The following PDE7B variants were observed in gnomAD, a reference collection of about 807,000 sequenced individuals.
The protein encoded by PDE7B is phosphodiesterase 7B.
PDE7B carries 29 observed loss-of-function variants against 56.2 expected under a neutral mutation model. The observed-to-expected ratio is 0.52, with a 90% CI of 0.38 to 0.70. The LOEUF (loss-of-function observed/expected upper bound fraction) is 0.70, where lower values mean the gene tolerates loss of function less well. Ranked by LOEUF, PDE7B falls within the 30% of genes least tolerant of loss-of-function variation. The probability of loss-of-function intolerance (pLI) is 0.00; values close to 1 mark genes in which losing one functional copy is unlikely to be tolerated. For missense variants in PDE7B, 490 were observed against 565.0 expected (o/e 0.87, Z 1.35); for synonymous variants, 197 against 196.9 (o/e 1.00, Z 0.00).
At chr6:135,974,413 T>C (rs1775148012) in intron 2 of PDE7B, among the ~76,000 whole-genome samples, 1 of 152,184 alleles carries the variant, frequency 6.6e-6, no homozygotes, top group Non-Finnish European at 1.5e-5. Flanking sequence ...ATGGGTGTTA[T>C]GTTCCCTGAA....
chr6:136,188,220 A>G (rs867907857), intron 12 of PDE7B, among the ~76,000 whole-genome samples: 25 of 152,200 alleles, frequency 1.6e-4, no homozygotes, highest in African/African-American at 5.5e-4. Flanking sequence ...AAAGATTTCA[A>G]TGGAATATAC....
intron 2 of PDE7B, among the ~76,000 whole-genome samples, chr6:136,107,373 T>G (rs1203883876): frequency 6.6e-6 from 1 of 152,220 alleles, no homozygotes; most frequent in Non-Finnish European, 1.5e-5. Context: ...TCTCACATAT[T>G]TCTACCTCTC....
intron 2 of PDE7B, among the ~76,000 whole-genome samples, chr6:135,996,583 A>C (rs550648445): frequency 6.6e-6 from 1 of 152,258 alleles, no homozygotes. Flanking sequence ...TTTTTCTCAC[A>C]TTAACCCATT....
chr6:135,898,309 A>G (rs1368541934), intron 1 of PDE7B, among the ~76,000 whole-genome samples: 1 of 152,232 alleles, frequency 6.6e-6, no homozygotes, highest in Non-Finnish European at 1.5e-5. Flanking sequence ...TAGTTGATGA[A>G]GTAATAAATA....
intron 12 of PDE7B, among the ~76,000 whole-genome samples, chr6:136,190,898 C>G (rs1399294912): frequency 6.6e-6 from 1 of 151,848 alleles, no homozygotes; most frequent in African/African-American, 2.4e-5. Context: ...AAAAGATATC[C>G]CACAGGGTAA....
chr6:136,105,968 G>A (rs189853549), intron 2 of PDE7B, among the ~76,000 whole-genome samples: 1 of 152,168 alleles, frequency 6.6e-6, no homozygotes, highest in Non-Finnish European at 1.5e-5. Context: ...GTGCTGGAAG[G>A]AGCCCATGAG....
At chr6:136,014,627 T>C (rs1775945102) in intron 2 of PDE7B, among the ~76,000 whole-genome samples, 1 of 152,190 alleles carries the variant, frequency 6.6e-6, no homozygotes, top group Non-Finnish European at 1.5e-5. Context: ...GTGGCAGTAT[T>C]ATTATCCCTA....
chr6:136,191,180 G>A lies in PDE7B; in HGVS notation c.1127-434G>A, dbSNP rs79692491. Among the ~76,000 whole-genome samples, 498 of 152,118 alleles carry A rather than the reference G, an allele frequency of 3.3e-3. 3 individuals are homozygous for A. Among genetic ancestry groups the A allele is most frequent in the African/African-American group, 0.011 (468 of 41,440 alleles). ...CTACGAGTTTAGTATTCTCTTTAGC[G>A]TCTTTTTGCAAGTGAGGAAACTGAG... On this transcript the variant is annotated intron_variant, in intron 12 of 12. Coordinates refer to ENST00000308191, the MANE Select transcript of PDE7B (RefSeq NM_018945.4).
chr6:135,981,233 A>G (rs1200173836), intron 2 of PDE7B, among the ~76,000 whole-genome samples: 2 of 141,862 alleles, frequency 1.4e-5, no homozygotes, highest in Non-Finnish European at 3.0e-5. Context: ...GAATTGAACA[A>G]TGAGAACACA....
At chr6:136,137,340 T>C (rs182766800) in intron 3 of PDE7B, among the ~76,000 whole-genome samples, 2 of 152,228 alleles carry the variant, frequency 1.3e-5, no homozygotes, top group Admixed American at 1.3e-4. Flanking sequence ...AGAAATTTTA[T>C]TAGAATTACT....
chr6:135,934,320 T>TAA (rs1774350219), intron 1 of PDE7B, among the ~76,000 whole-genome samples: 4 of 152,168 alleles, frequency 2.6e-5, no homozygotes, highest in Admixed American at 2.0e-4. Flanking sequence ...AGAATATAGG[T>TAA]ATTCCCTCCA....
At chr6:135,869,791 G>T (rs544917921) in intron 1 of PDE7B, among the ~76,000 whole-genome samples, 1 of 152,224 alleles carries the variant, frequency 6.6e-6, no homozygotes, top group Non-Finnish European at 1.5e-5. Flanking sequence ...GAAAAAGAGT[G>T]ATCCCGGCAG....
chr6:135,944,299 C>T (rs1264516698), intron 1 of PDE7B, among the ~76,000 whole-genome samples: 1 of 152,120 alleles, frequency 6.6e-6, no homozygotes, highest in East Asian at 1.9e-4. Flanking sequence ...CCCAGTTAAT[C>T]TCGTAAACTG....
At chr6:135,947,663 C>A in intron 2 of PDE7B, 139 bp downstream of exon 2, 1 of 656,682 alleles carries the variant, frequency 1.5e-6, no homozygotes, top group Non-Finnish European at 2.8e-6. Context: ...ACAGCTATAA[C>A]ACATTTATAT....
In PDE7B at chr6:136,173,889, G is replaced by A. The variant is rs1301093980; in HGVS notation, c.803+1G>A. The A allele has an allele frequency of 5.6e-6, 9 of 1,601,846 alleles. No individual in the cohort carries two copies. Among genetic ancestry groups the A allele is most frequent in the South Asian group, 1.1e-5 (1 of 90,840 alleles). On this transcript the variant is annotated splice_donor_variant, in intron 9 of 12. Coordinates refer to ENST00000308191, the MANE Select transcript of PDE7B (RefSeq NM_018945.4). LOFTEE classifies it high-confidence loss of function. ...TTGCTCATTTGCCAAAGGAAATGACGTAAGTGCTGCCGAGATGAAACATAC... is the reference window on the plus strand; with the variant it reads ...TTGCTCATTTGCCAAAGGAAATGACATAAGTGCTGCCGAGATGAAACATAC...
intron 1 of PDE7B, among the ~76,000 whole-genome samples, chr6:135,935,012 T>C (rs112977254): frequency 1.8e-5 from 1 of 55,492 alleles, no homozygotes; most frequent in East Asian, 7.0e-4. Flanking sequence ...TATTTATATA[T>C]AAATAAATAT....
intron 1 of PDE7B, among the ~76,000 whole-genome samples, chr6:135,921,177 G>C (rs964859800): frequency 6.6e-6 from 1 of 152,058 alleles, no homozygotes; most frequent in Admixed American, 6.6e-5. Context: ...TTGGATAACA[G>C]GCTATTTCCA....
At position 136,140,776 on chromosome 6, in the gene PDE7B, T is replaced by A. The variant is rs541532236; in HGVS notation, c.167-6575T>A. 1.9e-3 allele frequency among the ~76,000 whole-genome samples: 287 copies of A among 152,338 alleles called. 1 individual carries two copies. The highest frequency in any genetic ancestry group is 6.8e-3 in the African/African-American group (284 of 41,580). ...CATGATTTGGCTGTTTGTCTGTTATTGGTGTATAAGAATGCTTGTGATTTT... is the reference window on the plus strand; with the variant it reads ...CATGATTTGGCTGTTTGTCTGTTATAGGTGTATAAGAATGCTTGTGATTTT... On this transcript the variant is annotated intron_variant, in intron 3 of 12. Coordinates refer to ENST00000308191, the MANE Select transcript of PDE7B (RefSeq NM_018945.4).
chr6:136,141,548 C>T (rs1279804039), intron 3 of PDE7B, among the ~76,000 whole-genome samples: 1 of 152,164 alleles, frequency 6.6e-6, no homozygotes, highest in East Asian at 1.9e-4. Flanking sequence ...ATGGTACCAG[C>T]TCCTCCTTGT....
Sources: allele counts gnomAD v4.1 joint callset (sites outside exome capture counted in the v4.1 genomes callset), GRCh38; gene constraint gnomAD v4.1.1; transcripts MANE v1.5; gene names NCBI Gene and HGNC (gene_info 2026-07-23, HGNC 2026-07-21).